The following CNGB3 variants were observed in gnomAD, a reference collection of about 807,000 sequenced individuals.
CNGB3 encodes cyclic nucleotide-gated channel beta-3.
A neutral mutation model predicts 92.8 loss-of-function variants in CNGB3; 86 were observed. The ratio of observed to expected loss-of-function variants is 0.93; its 90% CI spans 0.78 to 1.11. CNGB3 has a LOEUF of 1.11. Ranked by LOEUF, CNGB3 falls within the 50% of genes least tolerant of loss-of-function variation. The pLI, the probability that CNGB3 is intolerant of heterozygous loss-of-function variation, is 0.00. For missense variants in CNGB3, 1,026 were observed against 956.8 expected, an observed-to-expected ratio of 1.07 and a Z score of -0.95; for synonymous variants, 333 against 332.7, an observed-to-expected ratio of 1.00 and a Z score of -0.01.
intron 3 of CNGB3, among the ~76,000 whole-genome samples, chr8:86,687,151 G>T (rs1824203182): frequency 6.6e-6 from 1 of 151,960 alleles, no homozygotes; most frequent in Non-Finnish European, 1.5e-5. Context: ...AGTTTGTGGA[G>T]TAACTGGAAC....
chr8:86,741,792 ACTT>A (rs1358839994), intron 1 of CNGB3, among the ~76,000 whole-genome samples: 1 of 152,190 alleles, frequency 6.6e-6, no homozygotes, highest in Admixed American at 6.5e-5. Context: ...TAATCTAAGT[ACTT>A]CTCCAATATT....
At chr8:86,662,779 C>T (rs1823667983) in intron 6 of CNGB3, among the ~76,000 whole-genome samples, 1 of 152,150 alleles carries the variant, frequency 6.6e-6, no homozygotes, top group Non-Finnish European at 1.5e-5. Flanking sequence ...TGTTTCCCCC[C>T]TTTTTAAACC....
intron 15 of CNGB3, among the ~76,000 whole-genome samples, chr8:86,588,253 T>A: frequency 1.4e-5 from 2 of 142,456 alleles, no homozygotes; most frequent in Non-Finnish European, 1.5e-5. Context: ...GACAATGGGG[T>A]TTTCTAGATA....
intron 6 of CNGB3, chr8:86,658,740 A>G (rs1823570299): frequency 1.2e-5 from 6 of 489,432 alleles, no homozygotes; most frequent in South Asian, 1.2e-4. Context: ...GGTGATCTCC[A>G]TGTTCTCATT....
chr8:86,721,540 A>T (rs1190287556), intron 3 of CNGB3, among the ~76,000 whole-genome samples: 1 of 152,142 alleles, frequency 6.6e-6, no homozygotes, highest in Non-Finnish European at 1.5e-5. Context: ...GTTCCCCAAA[A>T]ACCTATTGAA....
At chr8:86,625,541 C>A (rs1169944232) in intron 13 of CNGB3, among the ~76,000 whole-genome samples, 1 of 151,688 alleles carries the variant, frequency 6.6e-6, no homozygotes, top group East Asian at 1.9e-4. Flanking sequence ...AAAATTTGGC[C>A]ATTTTAAGAG....
At chr8:86,726,300 A>G (rs1192944354) in intron 3 of CNGB3, among the ~76,000 whole-genome samples, 2 of 152,162 alleles carry the variant, frequency 1.3e-5, no homozygotes, top group East Asian at 3.9e-4. Context: ...GATTTGGCCT[A>G]TAGCCAAATG....
At chr8:86,651,754 A>G (rs911582662) in intron 7 of CNGB3, among the ~76,000 whole-genome samples, 3 of 151,924 alleles carry the variant, frequency 2.0e-5, no homozygotes, top group Non-Finnish European at 4.4e-5. Context: ...TGAAGTATTG[A>G]CCAACACTAA....
intron 10 of CNGB3, among the ~76,000 whole-genome samples, chr8:86,639,115 C>T (rs1163099372): frequency 6.6e-6 from 1 of 152,010 alleles, no homozygotes; most frequent in Non-Finnish European, 1.5e-5. Flanking sequence ...TCCTTCCTTA[C>T]ATCAACTAAA....
chr8:86,691,171 G>C (rs904875145), intron 3 of CNGB3, among the ~76,000 whole-genome samples: 55 of 152,272 alleles, frequency 3.6e-4, no homozygotes, highest in African/African-American at 1.3e-3. Flanking sequence ...TTCATTCTCA[G>C]CTTGGTTGGT....
chr8:86,608,147 T>C (rs569717645), intron 14 of CNGB3, among the ~76,000 whole-genome samples: 17 of 152,370 alleles, frequency 1.1e-4, no homozygotes, highest in Admixed American at 3.3e-4. Context: ...GATATGATTA[T>C]ATATGAATAT....
chr8:86,593,866 C>T, intron 15 of CNGB3: 1 of 733,696 alleles, frequency 1.4e-6, no homozygotes, highest in Non-Finnish European at 2.3e-6. Flanking sequence ...CCCCGGGCAG[C>T]ATAGCCAGGT....
chr8:86,677,133 G>C lies in CNGB3; in HGVS notation c.339-6035C>G, dbSNP rs554613871. On this transcript the variant is annotated intron_variant, in intron 3 of 17. Coordinates refer to ENST00000320005, the MANE Select transcript of CNGB3 (RefSeq NM_019098.5). ...ACCAAAAGCTGGGAGAGAGAGCATGGAAAAAATTCTCCCTCAGCTCTTTCA... is the reference window on the plus strand; with the variant it reads ...ACCAAAAGCTGGGAGAGAGAGCATGCAAAAAATTCTCCCTCAGCTCTTTCA... 2.4e-4 allele frequency among the ~76,000 whole-genome samples: 36 copies of C among 152,246 alleles called. No individual in the cohort carries two copies. In the South Asian group the frequency reaches 5.6e-3, roughly 24 times the overall value.
intron 6 of CNGB3, among the ~76,000 whole-genome samples, chr8:86,666,019 T>C (rs1823734269): frequency 6.6e-6 from 1 of 152,242 alleles, no homozygotes; most frequent in South Asian, 2.1e-4. Flanking sequence ...TGGTTCCTAC[T>C]ACACAAAGAT....
intron 13 of CNGB3, among the ~76,000 whole-genome samples, chr8:86,617,338 CT>C (rs2131573194): frequency 6.6e-6 from 1 of 152,324 alleles, no homozygotes; most frequent in Non-Finnish European, 1.5e-5. Context: ...TTATAACTCA[CT>C]GTGAATTTAA....
chr8:86,591,468 G>GT, intron 15 of CNGB3, among the ~76,000 whole-genome samples: 1 of 150,362 alleles, frequency 6.7e-6, no homozygotes, highest in Non-Finnish European at 1.5e-5. Flanking sequence ...CATCTTTGTG[G>GT]TTTTATCTAC....
rs182562224 is a variant in CNGB3 at position 86,646,738 on chromosome 8, G to C, written c.990+1063C>G. On this transcript the variant is annotated intron_variant, in intron 8 of 17. Transcript: ENST00000320005. ...AAGTCTTTTGTGATCCCTTTAAGAA[G>C]GTTGTTTTTGGAAATATATTGTTGC... Among the ~76,000 whole-genome samples, 23 of 151,034 alleles carry C rather than the reference G, an allele frequency of 1.5e-4. 1 individual carries two copies. In the Middle Eastern group the frequency reaches 0.014, roughly 90 times the overall value.
intron 3 of CNGB3, among the ~76,000 whole-genome samples, chr8:86,694,264 G>A (rs866787137): frequency 6.7e-5 from 10 of 148,648 alleles, no homozygotes; most frequent in African/African-American, 1.7e-4. Context: ...GCGGCTGGCC[G>A]GGCAAAGGGG....
At chr8:86,694,101 ACGGGGCGGC>A (rs1824382983) in intron 3 of CNGB3, among the ~76,000 whole-genome samples, 1 of 98,626 alleles carries the variant, frequency 1.0e-5, no homozygotes, top group East Asian at 4.0e-4. Context: ...TCCCTCCCAG[ACGGGGCGGC>A]TGGCCGGGCG....
Sources: gnomAD v4.1 joint callset for allele counts (sites outside exome capture counted in the v4.1 genomes callset) on GRCh38, gnomAD v4.1.1 for gene constraint, MANE v1.5 for transcripts, NCBI Gene and HGNC (gene_info 2026-07-23, HGNC 2026-07-21) for gene names.